The following PLS1 variants were observed in gnomAD, a reference collection of about 807,000 sequenced individuals.
PLS1 encodes plastin-1.
Under a neutral mutation model 73.7 loss-of-function variants are expected in PLS1, and 32 were observed. The ratio of observed to expected loss-of-function variants is 0.43; its 90% CI spans 0.33 to 0.58. The LOEUF (loss-of-function observed/expected upper bound fraction) is 0.58, where lower values mean the gene tolerates loss of function less well. Among genes scored for constraint, PLS1 ranks in the 20% least tolerant of loss-of-function variants. PLS1 has a pLI of 0.04. For missense variants in PLS1, 633 were observed against 740.5 expected (o/e 0.85, Z 1.68); for synonymous variants, 217 against 261.3 (o/e 0.83, Z 1.63).
chr3:142,646,414 G>T (rs559735980), intron 1 of PLS1, among the ~76,000 whole-genome samples: 2 of 152,168 alleles, frequency 1.3e-5, no homozygotes, highest in African/African-American at 4.8e-5. Context: ...TTCTTAGGAC[G>T]GCATGCTTGC....
chr3:142,600,992 C>T (rs1439155400), intron 1 of PLS1, among the ~76,000 whole-genome samples: 7 of 130,422 alleles, frequency 5.4e-5, no homozygotes, highest in Admixed American at 2.5e-4. Context: ...GGCGCAATCT[C>T]GGCTCACTGC....
chr3:142,604,931 G>A (rs1283323605), intron 1 of PLS1, among the ~76,000 whole-genome samples: 9 of 131,850 alleles, frequency 6.8e-5, no homozygotes, highest in Middle Eastern at 3.6e-3. Context: ...GCAAGACTCC[G>A]TCTCAAAAAA....
chr3:142,637,602 G>A (rs535438248), intron 1 of PLS1, among the ~76,000 whole-genome samples: 1 of 152,166 alleles, frequency 6.6e-6, no homozygotes, highest in South Asian at 2.1e-4. Flanking sequence ...TTAACATCAT[G>A]GGAAAATACT....
At chr3:142,633,278 TGACAAAGTTATA>T (rs1311821973) in intron 1 of PLS1, among the ~76,000 whole-genome samples, 2 of 152,178 alleles carry the variant, frequency 1.3e-5, no homozygotes, top group Admixed American at 1.3e-4. Flanking sequence ...ATTGGCAAGA[TGACAAAGTTATA>T]GAGAACTGTT....
intron 1 of PLS1, among the ~76,000 whole-genome samples, chr3:142,600,876 TCATATATA>T (rs1331756904): frequency 4.4e-4 from 29 of 65,454 alleles, no homozygotes; most frequent in Non-Finnish European, 5.6e-4. Context: ...TGGCCTGGTT[TCATATATA>T]TATATATATA....
Position 142,689,778 on chromosome 3 carries a change from C to A in PLS1, c.1142C>A (p.Pro381Gln). The A allele has an allele frequency of 6.3e-7, 1 of 1,591,060 alleles. No individual in the cohort carries two copies. Among genetic ancestry groups the A allele is most frequent in the Non-Finnish European group, 8.5e-7 (1 of 1,169,876 alleles). ...LFNTYPCLHK[P>Q]NNNDIDMNLL... ...AACACATACCCGTGCCTGCACAAGC[C>A]GAATAATAATGACATCGATATGAAT... The change falls in exon 10 of 16, where the codon CCG (proline) becomes CAG (glutamine). Residue 381 changes from proline (P) to glutamine (Q), a missense_variant. Pro to Gln is a moderately conservative substitution (Grantham distance 76, BLOSUM62 -1). Transcript: ENST00000457734.
At chr3:142,704,233 G>C (rs2038400907) in intron 13 of PLS1, among the ~76,000 whole-genome samples, 1 of 152,058 alleles carries the variant, frequency 6.6e-6, no homozygotes. Context: ...TCTTAAAAAT[G>C]GCTTCATAAG....
intron 14 of PLS1, among the ~76,000 whole-genome samples, chr3:142,705,355 G>A (rs1186968214): frequency 6.7e-6 from 1 of 149,908 alleles, no homozygotes; most frequent in Non-Finnish European, 1.5e-5. Context: ...AAACTGGTAG[G>A]AAAAAAAAAA....
intron 1 of PLS1, among the ~76,000 whole-genome samples, chr3:142,662,062 G>A (rs1260929050): frequency 6.6e-6 from 1 of 152,104 alleles, no homozygotes; most frequent in African/African-American, 2.4e-5. Flanking sequence ...TCCAATTACT[G>A]GGTATATACC....
intron 2 of PLS1, among the ~76,000 whole-genome samples, chr3:142,665,261 A>G (rs1383693464): frequency 6.6e-6 from 1 of 151,678 alleles, no homozygotes; most frequent in Non-Finnish European, 1.5e-5. Context: ...TGACCAATAC[A>G]AAGAAAAACG....
At chr3:142,653,656 G>A (rs925542343) in intron 1 of PLS1, among the ~76,000 whole-genome samples, 2 of 152,076 alleles carry the variant, frequency 1.3e-5, no homozygotes, top group Non-Finnish European at 2.9e-5. Flanking sequence ...GAGCCACCAT[G>A]CCTGGCCCTA....
chr3:142,702,493 A>G (rs2038351497), intron 12 of PLS1, among the ~76,000 whole-genome samples: 1 of 152,168 alleles, frequency 6.6e-6, no homozygotes, highest in African/African-American at 2.4e-5. Flanking sequence ...TTGTAATGGT[A>G]CCTTAACTAA....
rs1933207967 is a variant in PLS1 at position 142,713,038 on chromosome 3, T to C, written c.*1031T>C. Reference sequence around the variant, plus strand: ...TAGAAGCCCTATATAATTTAGAATATGCCCACTGAATATCTTTAATAGAAA... The same window carrying C: ...TAGAAGCCCTATATAATTTAGAATACGCCCACTGAATATCTTTAATAGAAA... On this transcript the variant is annotated 3_prime_UTR_variant, in exon 16 of 16. Transcript: ENST00000457734. 1 of 152,574 alleles carries C rather than the reference T, an allele frequency of 6.6e-6. No homozygotes were observed. Among genetic ancestry groups the C allele is most frequent in the African/African-American group, 2.4e-5 (1 of 41,462 alleles). 9.5% of individuals were successfully genotyped at this position (152,574 alleles called of 1,614,324 possible).
intron 1 of PLS1, among the ~76,000 whole-genome samples, chr3:142,621,399 G>A (rs576642683): frequency 1.3e-5 from 2 of 152,248 alleles, no homozygotes; most frequent in African/African-American, 4.8e-5. Context: ...AAGGATGTTT[G>A]CTGAAGCATT....
intron 6 of PLS1, among the ~76,000 whole-genome samples, chr3:142,679,768 G>A (rs1204656651): frequency 6.6e-6 from 1 of 152,136 alleles, no homozygotes; most frequent in East Asian, 1.9e-4. Context: ...CTCTTTTTTG[G>A]TTCCATATGA....
At chr3:142,670,046 T>A (rs1339157834) in intron 3 of PLS1, among the ~76,000 whole-genome samples, 2 of 143,212 alleles carry the variant, frequency 1.4e-5, no homozygotes, top group African/African-American at 5.2e-5. Context: ...AAAAGATAAT[T>A]GGAGAATTGC....
intron 1 of PLS1, among the ~76,000 whole-genome samples, chr3:142,639,444 G>C (rs2036781524): frequency 6.6e-6 from 1 of 152,170 alleles, no homozygotes; most frequent in Non-Finnish European, 1.5e-5. Context: ...GATTGTCAAA[G>C]AGTAAGTTAT....
At chr3:142,621,966 T>C (rs1225981516) in intron 1 of PLS1, among the ~76,000 whole-genome samples, 5 of 152,208 alleles carry the variant, frequency 3.3e-5, no homozygotes, top group Admixed American at 1.3e-4. Flanking sequence ...CAACTTTCTA[T>C]GTAGGAATTC....
intron 1 of PLS1, among the ~76,000 whole-genome samples, chr3:142,614,575 A>C (rs556789739): frequency 6.6e-6 from 1 of 152,296 alleles, no homozygotes; most frequent in East Asian, 1.9e-4. Context: ...TAATTTTTAT[A>C]TATTTGCTCC....
Sources: gnomAD v4.1 joint callset for allele counts (sites outside exome capture counted in the v4.1 genomes callset) on GRCh38, gnomAD v4.1.1 for gene constraint, MANE v1.5 for transcripts, NCBI Gene and HGNC (gene_info 2026-07-23, HGNC 2026-07-21) for gene names.